GLI2: variants seen among roughly 807,000 people sequenced by gnomAD.
GLI2 encodes the protein GLI family zinc finger 2.
In GLI2, 22 loss-of-function variants were observed where a neutral mutation model predicts 78.9. The observed-to-expected ratio is 0.28, with a 90% CI of 0.20 to 0.40. The LOEUF is 0.40. GLI2 is among the 10% of genes least tolerant of loss of function. The pLI is 1.00. For missense variants in GLI2, 2,097 were observed against 2,213.2 expected (o/e 0.95, Z 1.05); for synonymous variants, 974 against 963.7 (o/e 1.01, Z -0.20).
At chr2:120,832,527 T>C (rs1686414747) in intron 2 of GLI2, among the ~76,000 whole-genome samples, 1 of 152,108 alleles carries the variant, frequency 6.6e-6, no homozygotes, top group East Asian at 1.9e-4. Flanking sequence ...GCTTCTCCTC[T>C]AGGCACACTC....
intron 2 of GLI2, among the ~76,000 whole-genome samples, chr2:120,809,431 T>A (rs1685125606): frequency 6.6e-6 from 1 of 152,072 alleles, no homozygotes; most frequent in Non-Finnish European, 1.5e-5. Flanking sequence ...GTTCTGTAAT[T>A]AGATAGTGGT....
rs781146798 is a variant in GLI2, at chr2:120,982,719, G to C, written c.1471G>C (p.Glu491Gln). The C allele has an allele frequency of 3.1e-6, 5 of 1,612,206 alleles. No individual in the cohort carries two copies. In the African/African-American group the frequency reaches 5.3e-5, roughly 17 times the overall value. ...TGEKPHKCTF[E>Q]GCSKAYSRLE... ...TGACTGAACCGCCTCCTTCTAGTTC[G>C]AGGGCTGCTCGAAGGCCTACTCCCG... The change falls in exon 11 of 14, where the codon GAG becomes CAG. Residue 491 changes from glutamate (E) to glutamine (Q), a missense_variant. Coordinates refer to ENST00000361492, the MANE Select transcript of GLI2 (RefSeq NM_001374353.1).
At chr2:120,954,242 CAT>C (rs1681131837) in intron 4 of GLI2, among the ~76,000 whole-genome samples, 1 of 152,124 alleles carries the variant, frequency 6.6e-6, no homozygotes, top group South Asian at 2.1e-4. Context: ...TTGGCCAGAC[CAT>C]GTGTGACTGG....
At chr2:120,923,219 T>C (rs1679473788) in intron 2 of GLI2, among the ~76,000 whole-genome samples, 2 of 128,150 alleles carry the variant, frequency 1.6e-5, no homozygotes, top group Admixed American at 8.2e-5. Flanking sequence ...AGCACACACG[T>C]ACACATATAC....
chr2:120,739,655 C>A (rs1682469704), intron 1 of GLI2, among the ~76,000 whole-genome samples: 1 of 152,246 alleles, frequency 6.6e-6, no homozygotes, highest in African/African-American at 2.4e-5. Context: ...TGGACAGCTG[C>A]AGCTGTTCCC....
intron 9 of GLI2, among the ~76,000 whole-genome samples, chr2:120,976,822 C>G (rs995046039): frequency 1.3e-5 from 2 of 152,222 alleles, no homozygotes; most frequent in African/African-American, 2.4e-5. Context: ...CCAGCTCTGT[C>G]TGTCTGTCTC....
intron 8 of GLI2, among the ~76,000 whole-genome samples, chr2:120,974,029 G>GACTAT (rs1682326526): frequency 6.6e-6 from 1 of 152,180 alleles, no homozygotes; most frequent in South Asian, 2.1e-4. Context: ...CCCTGAGCCT[G>GACTAT]ACTATACATG....
intron 2 of GLI2, among the ~76,000 whole-genome samples, chr2:120,858,359 C>T (rs548627741): frequency 1.3e-5 from 2 of 152,286 alleles, no homozygotes; most frequent in South Asian, 2.1e-4. Context: ...GGTCTCTCCC[C>T]ATGCCCCCGC....
chr2:120,852,759 C>T (rs1186204479), intron 2 of GLI2, among the ~76,000 whole-genome samples: 3 of 152,210 alleles, frequency 2.0e-5, no homozygotes, highest in African/African-American at 7.2e-5. Context: ...CCTGAGCTGT[C>T]ACTGGTACTG....
In GLI2 at chr2:120,989,858, C is replaced by T. The variant is rs779370829; in HGVS notation, c.3893C>T (p.Pro1298Leu). The change falls in exon 14 of 14, where the codon CCT becomes CTT. Residue 1298 changes from proline (P) to leucine (L), a missense_variant. Transcript: ENST00000361492. ...TCAGCCCTGGCTGGAGTGCCACCAC[C>T]TCACCCAGTCCAGAGCTACCCACAG... is the stretch of plus-strand genomic sequence containing the variant. ...PDSALAGVPPPHPVQSYPQQS... is the reference protein window; with the variant it reads ...PDSALAGVPPLHPVQSYPQQS... 3 of 1,612,878 alleles carry T rather than the reference C, an allele frequency of 1.9e-6. No homozygotes were observed. Among genetic ancestry groups the T allele is most frequent in the African/African-American group, 2.7e-5 (2 of 74,958 alleles).
At chr2:120,873,208 CCCTTTATA>C (rs1377223857) in intron 2 of GLI2, among the ~76,000 whole-genome samples, 1 of 152,102 alleles carries the variant, frequency 6.6e-6, no homozygotes, top group African/African-American at 2.4e-5. Context: ...GTCTCAGGAC[CCCTTTATA>C]CCCTCAAAAA....
intron 1 of GLI2, among the ~76,000 whole-genome samples, chr2:120,790,470 AAGGACCC>A (rs1451586314): frequency 6.6e-6 from 1 of 152,036 alleles, no homozygotes; most frequent in Non-Finnish European, 1.5e-5. Flanking sequence ...CATCTCCCCA[AAGGACCC>A]AGAGTGGAGG....
intron 2 of GLI2, among the ~76,000 whole-genome samples, chr2:120,919,625 G>T (rs1052189256): frequency 3.3e-5 from 5 of 152,252 alleles, no homozygotes; most frequent in African/African-American, 1.2e-4. Flanking sequence ...CTCTCTCCAC[G>T]TGGCTCCAGC....
intron 3 of GLI2, among the ~76,000 whole-genome samples, chr2:120,929,310 T>C (rs1679839500): frequency 6.6e-6 from 1 of 152,222 alleles, no homozygotes. Flanking sequence ...AGTTGTCCCG[T>C]TCGTAATTAA....
intron 2 of GLI2, among the ~76,000 whole-genome samples, chr2:120,839,609 C>G (rs1180271365): frequency 6.6e-6 from 1 of 152,214 alleles, no homozygotes; most frequent in Non-Finnish European, 1.5e-5. Context: ...GTCACTCAGG[C>G]TGGAGTGCAG....
rs1442637375 is a variant in GLI2 at position 120,797,331 on chromosome 2, C to T, written c.11C>T (p.Ser4Phe). The change falls in exon 2 of 14, where the codon TCT becomes TTT. Residue 4 changes from serine to phenylalanine, a missense_variant. This residue lies in a region of GLI2 where 578 missense variants were observed against 612.0 expected (regional missense o/e 0.94). Transcript: ENST00000361492. The part of the protein sequence containing the change: MET[S>F]ASATASEKQE... Reference sequence around the variant, plus strand: ...CGATGAGCGGCTGAGATGGAGACGTCTGCCTCAGCCACTGCCTCCGAGAAG... The same window carrying T: ...CGATGAGCGGCTGAGATGGAGACGTTTGCCTCAGCCACTGCCTCCGAGAAG... 1 of 1,614,074 alleles carries T rather than the reference C, an allele frequency of 6.2e-7. No homozygotes were observed. The highest frequency in any genetic ancestry group is 1.1e-5 in the South Asian group (1 of 91,058).
chr2:120,933,907 C>T (rs1217716029), intron 3 of GLI2, among the ~76,000 whole-genome samples: 3 of 150,016 alleles, frequency 2.0e-5, no homozygotes, highest in Non-Finnish European at 4.4e-5. Flanking sequence ...TCAGAGAAGA[C>T]CAATTTCAGC....
chr2:120,956,225 G>T (rs927232431), intron 5 of GLI2, among the ~76,000 whole-genome samples: 23 of 152,126 alleles, frequency 1.5e-4, no homozygotes, highest in African/African-American at 5.3e-4. Context: ...GGAATATAGA[G>T]TTGAAAGAAA....
chr2:120,936,006 G>T (rs146999046), intron 3 of GLI2, among the ~76,000 whole-genome samples: 12 of 152,108 alleles, frequency 7.9e-5, no homozygotes, highest in African/African-American at 2.9e-4. Flanking sequence ...CGAGGTGGGC[G>T]TGCAGTGGGG....
Sources: gnomAD v4.1 joint callset for allele counts (sites outside exome capture counted in the v4.1 genomes callset) on GRCh38, gnomAD v4.1.1 for gene constraint, gnomAD v4.1.1 regional missense constraint, MANE v1.5 for transcripts, NCBI Gene and HGNC (gene_info 2026-07-23, HGNC 2026-07-21) for gene names.